ABCG2: variants seen among roughly 807,000 people sequenced by gnomAD.
ABCG2 encodes broad substrate specificity ATP-binding cassette transporter ABCG2.
A neutral mutation model predicts 73.5 loss-of-function variants in ABCG2; 80 were observed. The ratio of observed to expected loss-of-function variants is 1.09; its 90% confidence interval spans 0.91 to 1.31. The LOEUF (loss-of-function observed/expected upper bound fraction) is 1.31, where lower values mean the gene tolerates loss of function less well. ABCG2 is among the 50% of genes most tolerant of loss of function. The pLI is 0.00. For missense variants in ABCG2, 796 were observed against 786.2 expected (o/e 1.01, Z -0.15); for synonymous variants, 269 against 282.4 (o/e 0.95, Z 0.48).
At chr4:88,221,519 AC>A (rs1730011563) in intron 1 of ABCG2, among the ~76,000 whole-genome samples, 1 of 152,194 alleles carries the variant, frequency 6.6e-6, no homozygotes. Flanking sequence ...GGCTTAGAAG[AC>A]AGGAGGATGT....
At chr4:88,156,449 AG>A (rs1726953819) in intron 1 of ABCG2, among the ~76,000 whole-genome samples, 1 of 152,014 alleles carries the variant, frequency 6.6e-6, no homozygotes, top group Non-Finnish European at 1.5e-5. Flanking sequence ...AACCTGAAAA[AG>A]GTCCCAGTGG....
chr4:88,209,942 A>G (rs903070080), intron 1 of ABCG2, among the ~76,000 whole-genome samples: 9 of 152,124 alleles, frequency 5.9e-5, no homozygotes, highest in African/African-American at 2.2e-4. Flanking sequence ...GTTGTCAGTT[A>G]TTTTTGACTG....
At chr4:88,185,403 C>T (rs1728413118) in intron 1 of ABCG2, among the ~76,000 whole-genome samples, 1 of 152,124 alleles carries the variant, frequency 6.6e-6, no homozygotes, top group Non-Finnish European at 1.5e-5. Flanking sequence ...ACTAAAAGAA[C>T]ACATTGAGGA....
chr4:88,226,531 T>A (rs1197828842), intron 1 of ABCG2, among the ~76,000 whole-genome samples: 3 of 152,216 alleles, frequency 2.0e-5, no homozygotes, highest in Non-Finnish European at 4.4e-5. Flanking sequence ...ATACTCTGTG[T>A]CCTGCACTGC....
chr4:88,225,830 A>G (rs1730188377), intron 1 of ABCG2, among the ~76,000 whole-genome samples: 1 of 152,190 alleles, frequency 6.6e-6, no homozygotes, highest in Admixed American at 6.5e-5. Context: ...GGGAATCCAC[A>G]TGCCTTTCAC....
intron 1 of ABCG2, among the ~76,000 whole-genome samples, chr4:88,224,909 T>C (rs1730147891): frequency 6.6e-6 from 1 of 152,208 alleles, no homozygotes; most frequent in Non-Finnish European, 1.5e-5. Context: ...CATGTGGCTA[T>C]CCAGTTTCCC....
intron 1 of ABCG2, among the ~76,000 whole-genome samples, chr4:88,155,535 T>C (rs1726878040): frequency 6.6e-6 from 1 of 152,194 alleles, no homozygotes; most frequent in Non-Finnish European, 1.5e-5. Flanking sequence ...TAGCTTGGGC[T>C]CAGAGGCCTG....
intron 5 of ABCG2, among the ~76,000 whole-genome samples, chr4:88,127,786 T>C (rs1322027578): frequency 6.6e-6 from 1 of 152,074 alleles, no homozygotes; most frequent in Admixed American, 6.5e-5. Flanking sequence ...GACTTAAATG[T>C]AAGACCTAAA....
At chr4:88,118,337 C>T (rs961305001) in intron 6 of ABCG2, 77 bp from the exon 7 acceptor site, 8 of 1,475,472 alleles carry the variant, frequency 5.4e-6, no homozygotes, top group Non-Finnish European at 4.6e-6. Flanking sequence ...TCTATTCTTG[C>T]CTTTAGATTG....
At chr4:88,137,060 T>TAAAATAAAATAAAATA (rs1271680412) in intron 2 of ABCG2, among the ~76,000 whole-genome samples, 29 of 145,984 alleles carry the variant, frequency 2.0e-4, no homozygotes, top group African/African-American at 7.7e-4. Context: ...TAAAATAAAA[T>TAAAATAAAATAAAATA]AAGAATGAGG....
At chr4:88,112,451 CT>C (rs35188807) in intron 9 of ABCG2, among the ~76,000 whole-genome samples, 3 of 130,562 alleles carry the variant, frequency 2.3e-5, no homozygotes, top group Admixed American at 9.1e-5. Flanking sequence ...TCTTCCTCCC[CT>C]TTCTCCACCC....
At chr4:88,129,116 C>T (rs1376409519) in intron 5 of ABCG2, among the ~76,000 whole-genome samples, 1 of 152,132 alleles carries the variant, frequency 6.6e-6, no homozygotes, top group Non-Finnish European at 1.5e-5. Context: ...CTCCCAGCCT[C>T]CAGGTGGACT....
intron 1 of ABCG2, among the ~76,000 whole-genome samples, chr4:88,199,993 T>C (rs1300391743): frequency 6.6e-6 from 1 of 151,866 alleles, no homozygotes; most frequent in Non-Finnish European, 1.5e-5. Context: ...AGAGCGAGAC[T>C]CCGTCTCAAA....
chr4:88,227,491 C>T (rs1730271161), intron 1 of ABCG2, among the ~76,000 whole-genome samples: 1 of 152,084 alleles, frequency 6.6e-6, no homozygotes, highest in South Asian at 2.1e-4. Context: ...AAAATATTGA[C>T]TGGAGCTGTG....
At chr4:88,117,597 A>G (rs1723674546) in intron 7 of ABCG2, among the ~76,000 whole-genome samples, 1 of 152,202 alleles carries the variant, frequency 6.6e-6, no homozygotes, top group South Asian at 2.1e-4. Flanking sequence ...AGATCACGTC[A>G]CTGCACTCCA....
Position 88,145,030 on chromosome 4 carries a change from C to T in ABCG2, c.-19-5016G>A, listed in dbSNP as rs146517951. 1.6e-3 allele frequency among the ~76,000 whole-genome samples: 234 copies of T among 150,394 alleles called. 1 individual carries two copies. The highest frequency in any genetic ancestry group is 5.5e-3 in the African/African-American group (225 of 41,126). ...CAGCCTGCCACCTGCCCAGCTGGAA[C>T]TACTGCATTTGTTGGTAGAAGCCAA... On this transcript the variant is annotated intron_variant, in intron 1 of 15. Transcript: ENST00000237612.
chr4:88,225,573 GGC>G (rs1730177682), intron 1 of ABCG2, among the ~76,000 whole-genome samples: 1 of 152,170 alleles, frequency 6.6e-6, no homozygotes, highest in Non-Finnish European at 1.5e-5. Flanking sequence ...CTGGGGCTGG[GGC>G]TCCATAGGAG....
Position 88,113,465 on chromosome 4 carries a change from CT to C in ABCG2, c.1031del (p.Glu344GlyfsTer53), listed in dbSNP as rs751659612. On this transcript the variant is annotated frameshift_variant, in exon 9 of 16. Coordinates refer to ENST00000237612, the MANE Select transcript of ABCG2 (RefSeq NM_004827.3). LOFTEE classifies it high-confidence loss of function. ...AAAGTTGATGTAATTCAGCTTTTGT[CT>C]CTTTGTAGAAGGAGGAGTTGACATA... ...EIYVNSSFYK[E>X]TKAELHQLSG... The C allele has an allele frequency of 1.9e-6, 3 of 1,614,096 alleles. No individual in the cohort carries two copies. The Admixed American group carries it at 5.0e-5, about 27-fold the overall frequency.
At chr4:88,123,612 G>T (rs946617537) in intron 5 of ABCG2, among the ~76,000 whole-genome samples, 8 of 151,946 alleles carry the variant, frequency 5.3e-5, no homozygotes, top group Admixed American at 5.2e-4. Flanking sequence ...GACAAGATTA[G>T]AGAAAAAAGA....
Sources: allele counts gnomAD v4.1 joint callset (sites outside exome capture counted in the v4.1 genomes callset), GRCh38; gene constraint gnomAD v4.1.1; transcripts MANE v1.5; gene names NCBI Gene and HGNC (gene_info 2026-07-23, HGNC 2026-07-21).